ART3: variants seen among roughly 807,000 people sequenced by gnomAD.
ART3 encodes ADP-ribosyltransferase 3 (inactive), also known as ecto-ADP-ribosyltransferase 3.
In ART3, 49 loss-of-function variants were observed where a neutral mutation model predicts 48.5. The ratio of observed to expected loss-of-function variants is 1.01; its 90% CI spans 0.80 to 1.28. The LOEUF is 1.28. Among genes scored for constraint, ART3 ranks in the 50% most tolerant of loss-of-function variants. ART3 has a pLI of 0.00. For synonymous variants in ART3, 145 were observed against 157.2 expected (o/e 0.92, Z 0.58); for missense variants, 438 against 454.3 (o/e 0.96, Z 0.33).
chr4:76,107,652 C>G (rs1728731249), intron 10 of ART3, 109 bp from the exon 11 acceptor site: 1 of 694,446 alleles, frequency 1.4e-6, no homozygotes, highest in Non-Finnish European at 2.5e-6. Context: ...CCCTGCCCCT[C>G]AGACCCACTC....
chr4:76,020,565 A>G (rs1732703908), intron 1 of ART3, among the ~76,000 whole-genome samples: 1 of 152,236 alleles, frequency 6.6e-6, no homozygotes, highest in African/African-American at 2.4e-5. Flanking sequence ...AACTGATTGG[A>G]TGATGGTGCA....
chr4:76,066,395 A>T (rs1235346628), intron 1 of ART3, among the ~76,000 whole-genome samples: 2 of 152,134 alleles, frequency 1.3e-5, no homozygotes, highest in Non-Finnish European at 2.9e-5. Flanking sequence ...GTGGGCAGGC[A>T]GGTCGTCTGT....
upstream of ART3, among the ~76,000 whole-genome samples, chr4:76,073,547 G>A (rs1720540386): frequency 6.6e-6 from 1 of 152,140 alleles, no homozygotes; most frequent in Admixed American, 6.5e-5. Context: ...AATTTAAAAT[G>A]TTTTCTTGAA....
intron 1 of ART3, chr4:76,036,134 A>T: frequency 1.5e-6 from 1 of 650,706 alleles, no homozygotes; most frequent in Admixed American, 3.0e-5. Flanking sequence ...CTTTTATGGC[A>T]CAGGAATTTC....
intron 2 of ART3, among the ~76,000 whole-genome samples, chr4:76,079,921 C>T (rs1202129314): frequency 6.6e-6 from 1 of 150,550 alleles, no homozygotes; most frequent in African/African-American, 2.5e-5. Context: ...CTCTCTCTCA[C>T]ACACACACAC....
At chr4:76,035,961 G>A (rs201865900) in intron 1 of ART3, 1 of 1,613,818 alleles carries the variant, frequency 6.2e-7, no homozygotes. Flanking sequence ...TCACAGCCAA[G>A]GCTATAGCCA....
At chr4:76,059,525 T>C (rs1718999313) in intron 1 of ART3, among the ~76,000 whole-genome samples, 1 of 114,364 alleles carries the variant, frequency 8.7e-6, no homozygotes, top group African/African-American at 3.4e-5. Flanking sequence ...AGGCTGTGAA[T>C]TGAACCTTTC....
chr4:76,018,650 G>A (rs77622847), intron 1 of ART3, among the ~76,000 whole-genome samples: 6,248 of 152,204 alleles, frequency 0.041, 443 homozygotes, highest in African/African-American at 0.14. Flanking sequence ...GCCATGAAAA[G>A]TCTCCCTGTG....
chr4:76,041,843 T>G (rs7684461), intron 1 of ART3, among the ~76,000 whole-genome samples: 92,954 of 152,036 alleles, frequency 0.61, 29,494 homozygotes, highest in East Asian at 0.94. Flanking sequence ...GAGAGGCAGA[T>G]AGATAACTGT....
upstream of ART3, among the ~76,000 whole-genome samples, chr4:76,072,614 G>A (rs1720431785): frequency 6.6e-6 from 1 of 150,776 alleles, no homozygotes; most frequent in Non-Finnish European, 1.5e-5. Flanking sequence ...CAGCCAGAGT[G>A]ATCCTCTTAA....
rs375923823 is a variant in ART3, at chr4:76,042,290, T to C, written c.-10+30970T>C. ...CCAGGTCTCTGAATAATATATTGCC[T>C]GACAAAAGAAAAAAGGTAGTATCAA... is the stretch of plus-strand genomic sequence containing the variant. On this transcript the variant is annotated intron_variant, in intron 1 of 9. Transcript: ENST00000341029. 2.2e-4 allele frequency among the ~76,000 whole-genome samples: 34 copies of C among 152,268 alleles called. No individual in the cohort carries two copies. The South Asian group carries it at 6.8e-3, about 31-fold the overall frequency.
intron 1 of ART3, among the ~76,000 whole-genome samples, chr4:76,064,391 G>C (rs573238318): frequency 1.3e-4 from 20 of 152,300 alleles, no homozygotes; most frequent in African/African-American, 4.8e-4. Flanking sequence ...TATGGGAAAG[G>C]AATATTCATT....
rs1206785000 is a variant in ART3 at position 76,034,760 on chromosome 4, C to T, written c.-10+23440C>T. 4 of 1,456,436 alleles carry T rather than the reference C, an allele frequency of 2.7e-6. No homozygotes were observed. The African/African-American group carries it at 4.2e-5, about 15-fold the overall frequency. 90.2% of individuals were successfully genotyped at this position (1,456,436 alleles called of 1,614,324 possible). A position where few individuals can be genotyped will look rare whatever the true frequency, so the allele number is the denominator to read the frequency against. On this transcript the variant is annotated intron_variant, in intron 1 of 9. Transcript: ENST00000341029. ...AAACTTGTTCTAGGTTTTTCAGATG[C>T]TCTTTTCCAGGACTTCATATGTTTT...
Position 76,097,656 on chromosome 4 carries a change from A to G in ART3, c.794A>G (p.Glu265Gly). ...CTTTGTGTTTCAGGACTAAAAACCG[A>G]AAACTGTATTGAGAACCTAGGTAAG... ...ECAFLGGLKT[E>G]NCIENLEYFQ... Residue 265 changes from glutamate (E) to glycine (G), a missense_variant, in exon 4 of 12, where the codon GAA becomes GGA. Physicochemically the swap from Glu to Gly is moderately conservative, Grantham distance 98. Transcript: ENST00000355810. 2 of 1,608,154 alleles carry G rather than the reference A, an allele frequency of 1.2e-6. No homozygotes were observed. Among genetic ancestry groups the G allele is most frequent in the Non-Finnish European group, 1.7e-6 (2 of 1,174,750 alleles).
intron 1 of ART3, among the ~76,000 whole-genome samples, chr4:76,015,221 A>G (rs1225651742): frequency 6.6e-6 from 1 of 152,220 alleles, no homozygotes; most frequent in Non-Finnish European, 1.5e-5. Context: ...TAAAACCATA[A>G]TTATAAATAT....
At chr4:76,027,837 T>C (rs1217060207) in intron 1 of ART3, among the ~76,000 whole-genome samples, 2 of 147,336 alleles carry the variant, frequency 1.4e-5, no homozygotes, top group African/African-American at 5.1e-5. Flanking sequence ...TGGTCCTCAG[T>C]TTTTCCAGTC....
intron 1 of ART3, chr4:76,034,927 C>T: frequency 1.0e-5 from 14 of 1,345,670 alleles, no homozygotes; most frequent in Non-Finnish European, 1.5e-5. Context: ...GACCCCTTAA[C>T]AGAATATTTC....
chr4:76,100,827 A>C lies in ART3; in HGVS notation c.907+3A>C. 6.2e-7 allele frequency: 1 copy of C among 1,612,502 alleles called. No individual in the cohort carries two copies. Among genetic ancestry groups the C allele is most frequent in the Non-Finnish European group, 8.5e-7 (1 of 1,179,714 alleles). On this transcript the variant is annotated splice_donor_region_variant and intron_variant, in intron 7 of 11. Transcript: ENST00000355810. ...AAACTGGAAGCTTGAAGACCATGGT[A>C]AGACATTTTTTATAAATTCTGGGGG...
intron 3 of ART3, among the ~76,000 whole-genome samples, chr4:76,088,645 T>C (rs1381849357): frequency 6.6e-6 from 1 of 152,176 alleles, no homozygotes; most frequent in Non-Finnish European, 1.5e-5. Context: ...AAAGTTTCTG[T>C]ACTGTTGTCT....
Sources: allele counts gnomAD v4.1 joint callset (sites outside exome capture counted in the v4.1 genomes callset), GRCh38; gene constraint gnomAD v4.1.1; transcripts MANE v1.5; gene names NCBI Gene and HGNC (gene_info 2026-07-23, HGNC 2026-07-21).